IL17RC: variants seen among roughly 807,000 people sequenced by gnomAD.
IL17RC encodes the protein interleukin-17 receptor C.
In IL17RC, 53 loss-of-function variants were observed where a neutral mutation model predicts 86.7. The ratio of observed to expected loss-of-function variants is 0.61; its 90% CI spans 0.49 to 0.77. IL17RC has a LOEUF of 0.77. Ranked by LOEUF, IL17RC falls within the 30% of genes least tolerant of loss-of-function variation. The probability of loss-of-function intolerance (pLI) is 0.00; values close to 1 mark genes in which losing one functional copy is unlikely to be tolerated. For synonymous variants in IL17RC, 439 were observed against 413.1 expected (o/e 1.06, Z -0.76); for missense variants, 957 against 940.0 (o/e 1.02, Z -0.24).
rs1375477345 is a variant in IL17RC at position 9,920,574 on chromosome 3, G to C, written c.549G>C (p.Lys183Asn). 1.2e-6 allele frequency: 2 copies of C among 1,607,588 alleles called. No individual in the cohort carries two copies. Among genetic ancestry groups the C allele is most frequent in the Non-Finnish European group, 1.7e-6 (2 of 1,176,352 alleles). Residue 183 changes from lysine to asparagine, a missense_variant, in exon 6 of 19, where the codon AAG becomes AAC. By Grantham distance (94) the Lys-to-Asn change is moderately conservative. Transcript: ENST00000403601. ...CCTATACTCAGCCCAGGTACGAGAAGGAACTCAACCACACACAGCAGCTGC... is the reference window on the plus strand; with the variant it reads ...CCTATACTCAGCCCAGGTACGAGAACGAACTCAACCACACACAGCAGCTGC... ...IWSYTQPRYE[K>N]ELNHTQQLPD...
At position 9,928,712 on chromosome 3, in the gene IL17RC, G is replaced by C. The variant is rs199956713; in HGVS notation, c.1110+82G>C. Reference sequence around the variant, plus strand: ...CCAAGGGGGTCTTAGTTCTTGGGCCGCTAAAGCATAGTGGTTGCCAGCTTC... The same window carrying C: ...CCAAGGGGGTCTTAGTTCTTGGGCCCCTAAAGCATAGTGGTTGCCAGCTTC... On this transcript the variant is annotated intron_variant, in intron 12 of 18. Transcript: ENST00000403601. 13 of 1,441,708 alleles carry C rather than the reference G, an allele frequency of 9.0e-6. No individual in the cohort carries two copies. The South Asian group carries it at 1.4e-4, about 15-fold the overall frequency. 89.3% of individuals were successfully genotyped at this position (1,441,708 alleles called of 1,614,324 possible).
At position 9,923,945 on chromosome 3, in the gene IL17RC, G is replaced by C. The variant is rs140952032; in HGVS notation, c.687G>C (p.Glu229Asp). 19 of 1,614,088 alleles carry C rather than the reference G, an allele frequency of 1.2e-5. No individual in the cohort carries two copies. The highest frequency in any genetic ancestry group is 1.5e-5 in the Non-Finnish European group (18 of 1,180,054). ...TGCATCTGGTTCTGAATGTCTCTGAGGAGCAGCACTTCGGCCTCTCCCTGT... is the reference window on the plus strand; with the variant it reads ...TGCATCTGGTTCTGAATGTCTCTGACGAGCAGCACTTCGGCCTCTCCCTGT... ...DNVHLVLNVS[E>D]EQHFGLSLYW... The change falls in exon 8 of 19, where the codon GAG becomes GAC. Residue 229 changes from glutamate (E) to aspartate (D), a missense_variant. Transcript: ENST00000403601.
chr3:9,931,143 G>A (rs73015205), intron 16 of IL17RC, among the ~76,000 whole-genome samples, 200 bp downstream of exon 16: 2,644 of 152,076 alleles, frequency 0.017, 33 homozygotes, highest in Non-Finnish European at 0.025. Context: ...CCTTGCCCCC[G>A]CCCCACCCCT....
At chr3:9,918,441 A>G in intron 4 of IL17RC, 32 bp downstream of exon 4, 20 of 1,611,598 alleles carry the variant, frequency 1.2e-5, no homozygotes, top group Non-Finnish European at 1.7e-5. Flanking sequence ...CAACTGCCCC[A>G]TGCCAAGGCC....
chr3:9,917,118 TG>T lies in IL17RC; in HGVS notation c.-196del. On this transcript the variant is annotated 5_prime_UTR_variant, in exon 1 of 19. Coordinates refer to ENST00000403601, the MANE Select transcript of IL17RC (RefSeq NM_153460.4). ...GAGCCAAAACGAAAGCACTCCGTGC[TG>T]GAAGTAGGAGGAGAGTCAGGACTCC... 1.7e-6 allele frequency: 1 copy of T among 584,582 alleles called. No individual in the cohort carries two copies. Among genetic ancestry groups the T allele is most frequent in the Non-Finnish European group, 3.0e-6 (1 of 328,502 alleles). 36.2% of individuals were successfully genotyped at this position (584,582 alleles called of 1,614,324 possible).
intron 9 of IL17RC, 63 bp downstream of exon 9, chr3:9,924,354 C>T: frequency 6.7e-7 from 1 of 1,503,064 alleles, no homozygotes; most frequent in Admixed American, 1.7e-5. Flanking sequence ...GGGGTGATCC[C>T]TGCCTTCCTG....
At chr3:9,929,986 C>A in intron 13 of IL17RC, 42 bp from the exon 14 acceptor site, 1 of 1,613,632 alleles carries the variant, frequency 6.2e-7, no homozygotes, top group Non-Finnish European at 8.5e-7. Flanking sequence ...CCAATCCCAG[C>A]AAGGATGGGT....
chr3:9,931,171 T>A (rs2084620667), intron 16 of IL17RC, among the ~76,000 whole-genome samples: 1 of 152,078 alleles, frequency 6.6e-6, no homozygotes, highest in Non-Finnish European at 1.5e-5. Context: ...TAGCAAGACA[T>A]GAGCCAGTCA....
chr3:9,919,815 A>T (rs1394423900), intron 5 of IL17RC, among the ~76,000 whole-genome samples: 1 of 152,052 alleles, frequency 6.6e-6, no homozygotes, highest in Non-Finnish European at 1.5e-5. Flanking sequence ...CATTTTCCAG[A>T]TAGATAAAAT....
intron 7 of IL17RC, 84 bp downstream of exon 7, chr3:9,921,053 GGC>G: frequency 5.2e-6 from 4 of 768,640 alleles, no homozygotes; most frequent in Non-Finnish European, 8.4e-6. Context: ...TTCAGATATG[GGC>G]TACCACATCT....
chr3:9,923,582 A>G (rs1452348216), intron 7 of IL17RC, among the ~76,000 whole-genome samples: 1 of 152,070 alleles, frequency 6.6e-6, no homozygotes, highest in Non-Finnish European at 1.5e-5. Flanking sequence ...ATCAAGAGGT[A>G]AGGTCAGAAA....
chr3:9,933,380 G>T lies in IL17RC; in HGVS notation c.1950G>T (p.Val650=). The change falls in exon 19 of 19, where the codon GTG becomes GTT. Residue 650 remains valine, a synonymous_variant. Transcript: ENST00000403601. ...PDAVPALFRT[V]PVFTLPSQLP... ...CCGTACCCGCCCTTTTCCGCACCGT[G>T]CCCGTCTTCACACTGCCCTCCCAAC... The T allele has an allele frequency of 6.2e-7, 1 of 1,612,994 alleles. No homozygotes were observed.
intron 7 of IL17RC, among the ~76,000 whole-genome samples, chr3:9,922,242 C>G (rs572154197): frequency 1.3e-5 from 2 of 152,226 alleles, no homozygotes; most frequent in African/African-American, 4.8e-5. Context: ...TGAGCCGCCA[C>G]GTCCGGCCAA....
rs138985119 is a variant in IL17RC, at chr3:9,917,956, T to C, written c.161T>C (p.Val54Ala). The C allele has an allele frequency of 3.0e-3, 4,767 of 1,613,640 alleles. 14 individuals are homozygous for C. Among genetic ancestry groups the C allele is most frequent in the Non-Finnish European group, 3.7e-3 (4,353 of 1,180,014 alleles). The change falls in exon 3 of 19, where the codon GTG becomes GCG. Residue 54 changes from valine to alanine, a missense_variant. Val to Ala is a moderately conservative substitution (Grantham distance 64, BLOSUM62 0). Transcript: ENST00000403601. ...SDILCLPGDI[V>A]PAPGPVLAPT... ...ATACTCTGCCTGCCTGGGGACATCGTGCCTGCTCCGGGCCCCGTGCTGGCG... is the reference window on the plus strand; with the variant it reads ...ATACTCTGCCTGCCTGGGGACATCGCGCCTGCTCCGGGCCCCGTGCTGGCG...
At chr3:9,921,233 T>A (rs2125159325) in intron 7 of IL17RC, among the ~76,000 whole-genome samples, 1 of 152,242 alleles carries the variant, frequency 6.6e-6, no homozygotes, top group East Asian at 1.9e-4. Context: ...GGTAGAAGGA[T>A]CACTTGAGCT....
At position 9,932,617 on chromosome 3, in the gene IL17RC, A is replaced by C. The variant is rs2084851092; in HGVS notation, c.1397A>C (p.Lys466Thr). The C allele has an allele frequency of 1.9e-6, 3 of 1,614,146 alleles. No homozygotes were observed. The highest frequency in any genetic ancestry group is 1.3e-5 in the African/African-American group (1 of 75,062). The change falls in exon 17 of 19, where the codon AAG becomes ACG. Residue 466 changes from lysine to threonine, a missense_variant. Lys to Thr is a moderately conservative substitution (Grantham distance 78). Coordinates refer to ENST00000403601, the MANE Select transcript of IL17RC (RefSeq NM_153460.4). ...WACPMDKYIH[K>T]RWALVWLACL... ...TCTCTGGGTCTCCCAGACATCCACA[A>C]GCGCTGGGCCCTCGTGTGGCTGGCC...
At position 9,920,399 on chromosome 3, in the gene IL17RC, G is replaced by A. The variant is rs1364723954; in HGVS notation, c.466-92G>A. 1.2e-5 allele frequency: 9 copies of A among 730,562 alleles called. No homozygotes were observed. In the Admixed American group the frequency reaches 1.7e-4, roughly 14 times the overall value. The allele number at this position is 730,562 out of a possible 1,614,324, so 45.3% of individuals were successfully genotyped here. ...AGTCATTAGTTGGGGGAGGAGGGCAGTGAGCAGAGTGGTCCCTGCAGATGA... is the reference window on the plus strand; with the variant it reads ...AGTCATTAGTTGGGGGAGGAGGGCAATGAGCAGAGTGGTCCCTGCAGATGA... On this transcript the variant is annotated intron_variant, in intron 5 of 18. Coordinates refer to ENST00000403601, the MANE Select transcript of IL17RC (RefSeq NM_153460.4).
Position 9,933,456 on chromosome 3 carries a change from C to T in IL17RC, c.2026C>T (p.Arg676Trp), listed in dbSNP as rs1330331413. 6.2e-7 allele frequency: 1 copy of T among 1,613,030 alleles called. No homozygotes were observed. The highest frequency in any genetic ancestry group is 8.5e-7 in the Non-Finnish European group (1 of 1,179,808). The change falls in exon 19 of 19, where the codon CGG becomes TGG. Residue 676 changes from arginine to tryptophan, a missense_variant. Coordinates refer to ENST00000403601, the MANE Select transcript of IL17RC (RefSeq NM_153460.4). ...GCAGCCTCGCGCCCCGCGTTCCGGG[C>T]GGCTCCAAGAGAGAGCGGAGCAAGT... The part of the protein sequence containing the change: ...LQQPRAPRSG[R>W]LQERAEQVSR...
chr3:9,925,096 T>C (rs2083931988), intron 9 of IL17RC, among the ~76,000 whole-genome samples: 1 of 148,078 alleles, frequency 6.8e-6, no homozygotes, highest in Non-Finnish European at 1.5e-5. Flanking sequence ...TGAGCCACTG[T>C]GGCTTGCCCT....
Sources: allele counts gnomAD v4.1 joint callset (sites outside exome capture counted in the v4.1 genomes callset), GRCh38; gene constraint gnomAD v4.1.1; transcripts MANE v1.5; gene names NCBI Gene and HGNC (gene_info 2026-07-23, HGNC 2026-07-21).